Variants in EML1 observed in about 807,000 individuals in gnomAD.
EML1 encodes EMAP like 1, also known as echinoderm microtubule-associated protein-like 1.
Under a neutral mutation model 110.4 loss-of-function variants are expected in EML1, and 27 were observed. That is an observed-to-expected ratio of 0.24 (90% CI 0.18 to 0.34). EML1 has a LOEUF of 0.34. EML1 is among the 10% of genes least tolerant of loss of function. The pLI is 1.00. For missense variants in EML1, 741 were observed against 1,030.9 expected (o/e 0.72, Z 3.85); for synonymous variants, 344 against 385.8 (o/e 0.89, Z 1.27).
At chr14:99,740,055 G>A (rs536570037) in intron 1 of EML1, among the ~76,000 whole-genome samples, 3 of 152,224 alleles carry the variant, frequency 2.0e-5, no homozygotes, top group Non-Finnish European at 2.9e-5. Flanking sequence ...CTAAAATAAC[G>A]CCAGGCTTAT....
At chr14:99,874,677 TTTTTTATTCTAC>T (rs111577052) in intron 3 of EML1, among the ~76,000 whole-genome samples, 3,669 of 152,332 alleles carry the variant, frequency 0.024, 150 homozygotes, top group African/African-American at 0.085. Flanking sequence ...AAATGTCTTG[TTTTTTATTCTAC>T]GTCTGGGACA....
chr14:99,811,281 A>G (rs1189748363), intron 1 of EML1, among the ~76,000 whole-genome samples: 3 of 151,932 alleles, frequency 2.0e-5, no homozygotes, highest in Non-Finnish European at 4.4e-5. Context: ...ACTGGGCTCA[A>G]GTGATCCACC....
At chr14:99,786,610 G>A (rs2057603149) in intron 1 of EML1, among the ~76,000 whole-genome samples, 1 of 152,212 alleles carries the variant, frequency 6.6e-6, no homozygotes, top group Non-Finnish European at 1.5e-5. Flanking sequence ...TGAGGACTAG[G>A]GCACAGCACT....
intron 1 of EML1, chr14:99,809,776 G>GT (rs1278015699): frequency 1.3e-5 from 6 of 453,980 alleles, no homozygotes; most frequent in Non-Finnish European, 2.7e-5. Context: ...GCTTTTAATC[G>GT]TTTGTGTTCA....
intron 1 of EML1, among the ~76,000 whole-genome samples, chr14:99,745,188 C>T (rs1024744611): frequency 1.3e-5 from 2 of 152,160 alleles, no homozygotes; most frequent in African/African-American, 4.8e-5. Flanking sequence ...GACTCAGCCT[C>T]CCAAGTAGCT....
intron 1 of EML1, among the ~76,000 whole-genome samples, chr14:99,764,052 G>A (rs1482798487): frequency 6.6e-6 from 1 of 152,220 alleles, no homozygotes; most frequent in African/African-American, 2.4e-5. Context: ...ACAGTTGGCT[G>A]CAGGCTGAGG....
rs141101913 is a variant in EML1 at position 99,926,422 on chromosome 14, C to G, written c.1909+5545C>G. Among the ~76,000 whole-genome samples, 1,171 of 151,828 alleles carry G rather than the reference C, an allele frequency of 7.7e-3. 20 individuals carry two copies. Among genetic ancestry groups the G allele is most frequent in the African/African-American group, 0.027 (1,127 of 41,374 alleles). ...GCCTCGGCCTCCTGAGTAGCTGGAA[C>G]TACAGGCTTACGCCACCACACCTGG... On this transcript the variant is annotated intron_variant, in intron 17 of 21. Transcript: ENST00000262233.
At chr14:99,826,310 G>A (rs2058356577) in intron 1 of EML1, among the ~76,000 whole-genome samples, 1 of 151,832 alleles carries the variant, frequency 6.6e-6, no homozygotes, top group South Asian at 2.1e-4. Flanking sequence ...ACAGGGTTTT[G>A]CCATGTTGGC....
At chr14:99,753,183 A>ACCCCCC (rs2057196860) in intron 1 of EML1, among the ~76,000 whole-genome samples, 2 of 18,630 alleles carry the variant, frequency 1.1e-4, no homozygotes, top group African/African-American at 3.8e-4. Context: ...CCACCCCCCT[A>ACCCCCC]CCCGCACCCC....
intron 1 of EML1, among the ~76,000 whole-genome samples, chr14:99,785,343 C>A (rs569273497): frequency 1.3e-5 from 2 of 152,300 alleles, no homozygotes; most frequent in South Asian, 4.1e-4. Context: ...GCGTTAGCCA[C>A]CGCGCCCAGC....
intron 11 of EML1, among the ~76,000 whole-genome samples, chr14:99,909,994 G>C (rs986852305): frequency 2.6e-5 from 4 of 152,080 alleles, no homozygotes; most frequent in African/African-American, 7.2e-5. Flanking sequence ...GCTGTCTGCA[G>C]CTTTATGATT....
intron 1 of EML1, among the ~76,000 whole-genome samples, chr14:99,764,123 C>G (rs2057343290): frequency 6.6e-6 from 1 of 152,186 alleles, no homozygotes; most frequent in Admixed American, 6.5e-5. Context: ...CCACCGCTGA[C>G]TTGCTGTGTG....
chr14:99,738,488 G>A (rs1028054406), intron 1 of EML1, among the ~76,000 whole-genome samples: 4 of 152,170 alleles, frequency 2.6e-5, no homozygotes, highest in Non-Finnish European at 4.4e-5. Flanking sequence ...GGCTGCCCCC[G>A]GCTCCTGCCA....
upstream of EML1, chr14:99,793,276 C>T: frequency 1.0e-6 from 1 of 961,404 alleles, no homozygotes; most frequent in Non-Finnish European, 1.2e-6. Flanking sequence ...GCCGCCCCCT[C>T]GCGGGCGGAG....
Position 99,917,817 on chromosome 14 carries a change from G to T in EML1, c.1788G>T (p.Gly596=). ...AGTCTTCTGGTTTTCATCCTTCAGGGTCTGTGGTTGCAGTCGGAACACTCA... is the reference window on the plus strand; with the variant it reads ...AGTCTTCTGGTTTTCATCCTTCAGGTTCTGTGGTTGCAGTCGGAACACTCA... The part of the protein sequence containing the change: ...PAQSSGFHPS[G]SVVAVGTLTG... Residue 596 remains glycine, a synonymous_variant, in exon 16 of 22, where the codon GGG becomes GGT. Transcript: ENST00000262233. The T allele has an allele frequency of 1.9e-6, 3 of 1,614,098 alleles. No individual in the cohort carries two copies. Among genetic ancestry groups the T allele is most frequent in the Non-Finnish European group, 1.7e-6 (2 of 1,180,028 alleles).
At chr14:99,926,536 C>T (rs757766386) in intron 17 of EML1, among the ~76,000 whole-genome samples, 11 of 152,006 alleles carry the variant, frequency 7.2e-5, no homozygotes, top group Non-Finnish European at 1.2e-4. Flanking sequence ...CTGCCCGCCT[C>T]GGCCTCCCAA....
At chr14:99,830,665 C>A (rs1249363184) in intron 1 of EML1, among the ~76,000 whole-genome samples, 1 of 152,114 alleles carries the variant, frequency 6.6e-6, no homozygotes, top group East Asian at 1.9e-4. Flanking sequence ...ATTCTCCTGC[C>A]TCAGCCTCCC....
At chr14:99,739,065 A>AGTGTGTGTGTGTGTGT (rs35246718) in intron 1 of EML1, among the ~76,000 whole-genome samples, 5,160 of 138,868 alleles carry the variant, frequency 0.037, 103 homozygotes, top group Non-Finnish European at 0.048. Flanking sequence ...AGAGTGTGAG[A>AGTGTGTGTGTGTGTGT]GTGTGTGTGT....
At chr14:99,870,175 T>C (rs1026841198) in intron 3 of EML1, among the ~76,000 whole-genome samples, 3 of 152,158 alleles carry the variant, frequency 2.0e-5, no homozygotes, top group South Asian at 2.1e-4. Flanking sequence ...TTATTCCTGA[T>C]AGGGAGAAAG....
Sources: allele counts gnomAD v4.1 joint callset (sites outside exome capture counted in the v4.1 genomes callset), GRCh38; gene constraint gnomAD v4.1.1; transcripts MANE v1.5; gene names NCBI Gene and HGNC (gene_info 2026-07-23, HGNC 2026-07-21).